GOLPH3L: variants seen among roughly 807,000 people sequenced by gnomAD.
GOLPH3L encodes golgi phosphoprotein 3 like.
GOLPH3L carries 22 observed loss-of-function variants against 30.3 expected under a neutral mutation model. The ratio of observed to expected loss-of-function variants is 0.73; its 90% confidence interval spans 0.52 to 1.04. The LOEUF (loss-of-function observed/expected upper bound fraction) is 1.04, where lower values mean the gene tolerates loss of function less well. GOLPH3L is among the 50% of genes least tolerant of loss of function. The pLI is 0.00. For synonymous variants in GOLPH3L, 120 were observed against 128.2 expected (o/e 0.94, Z 0.43); for missense variants, 303 against 345.8 (o/e 0.88, Z 0.98).
At chr1:150,678,462 T>C (rs1343889605) in intron 2 of GOLPH3L, among the ~76,000 whole-genome samples, 6 of 152,042 alleles carry the variant, frequency 3.9e-5, no homozygotes, top group African/African-American at 1.4e-4. Flanking sequence ...CATATTTTAT[T>C]ACCTTACTTC....
chr1:150,674,942 G>A (rs587735306), intron 2 of GOLPH3L, among the ~76,000 whole-genome samples: 3 of 152,132 alleles, frequency 2.0e-5, no homozygotes, highest in Non-Finnish European at 4.4e-5. Context: ...ACAGGCTAGA[G>A]TACAGTGGCA....
intron 4 of GOLPH3L, among the ~76,000 whole-genome samples, chr1:150,658,207 T>C (rs994838436): frequency 2.0e-5 from 3 of 152,302 alleles, no homozygotes; most frequent in African/African-American, 7.2e-5. Context: ...CAACACCCGT[T>C]GAACACAGCC....
chr1:150,654,785 C>T (rs1650205620), intron 4 of GOLPH3L, among the ~76,000 whole-genome samples: 1 of 152,188 alleles, frequency 6.6e-6, no homozygotes, highest in African/African-American at 2.4e-5. Context: ...TTATGCTGCA[C>T]AAAAGCTGTG....
At position 150,691,126 on chromosome 1, in the gene GOLPH3L, CCTA is replaced by C. The variant is rs200311333; in HGVS notation, c.183+3527_183+3529del. Reference sequence around the variant, plus strand: ...CTGGCTAACATGCTGAAAACCCTTCCCTACTAAGAATACAAAAATTAGCCAGGA... The same window carrying C: ...CTGGCTAACATGCTGAAAACCCTTCCCTAAGAATACAAAAATTAGCCAGGA... On this transcript the variant is annotated intron_variant, in intron 2 of 4. Transcript: ENST00000271732. Among the ~76,000 whole-genome samples, 1,216 of 151,246 alleles carry C rather than the reference CCTA, an allele frequency of 8.0e-3. 9 individuals are homozygous for C. The highest frequency in any genetic ancestry group is 0.011 in the Non-Finnish European group (732 of 67,878).
chr1:150,677,672 C>T (rs141478564), intron 2 of GOLPH3L, among the ~76,000 whole-genome samples: 1,763 of 150,930 alleles, frequency 0.012, 21 homozygotes, highest in Middle Eastern at 0.021. Flanking sequence ...CACTCTGTCA[C>T]CCACGCTGGA....
chr1:150,653,319 G>A (rs1237130914), intron 4 of GOLPH3L, among the ~76,000 whole-genome samples: 13 of 144,388 alleles, frequency 9.0e-5, no homozygotes, highest in African/African-American at 2.6e-4. Flanking sequence ...TTTTTGAGAC[G>A]GAGTCTCACA....
chr1:150,653,175 C>CAAAAAAAAAAAAAAAAAAAAAAAAAAAA (rs757485843), intron 4 of GOLPH3L, among the ~76,000 whole-genome samples: 1 of 76,268 alleles, frequency 1.3e-5, no homozygotes, highest in Non-Finnish European at 2.9e-5. Context: ...GCCAAAAAAA[C>CAAAAAAAAAAAAAAAAAAAAAAAAAAAA]AAAAAAAAAA....
In GOLPH3L at chr1:150,674,314, G is replaced by A. The variant is rs1230008377; in HGVS notation, c.184-10551C>T. Among the ~76,000 whole-genome samples, 12 of 150,980 alleles carry A rather than the reference G, an allele frequency of 7.9e-5. 1 individual carries two copies. In the East Asian group the frequency reaches 2.0e-3, roughly 25 times the overall value. On this transcript the variant is annotated intron_variant, in intron 2 of 4. Transcript: ENST00000271732. ...CTTTCTCTGTCACCCAGGCTGGAGT[G>A]CAGTGGCATGATCTTGGCTCATTGC...
At chr1:150,670,764 A>G (rs1277604391) in intron 2 of GOLPH3L, among the ~76,000 whole-genome samples, 1 of 152,172 alleles carries the variant, frequency 6.6e-6, no homozygotes, top group African/African-American at 2.4e-5. Flanking sequence ...TAGAAATGGC[A>G]TTACACTGAG....
intron 2 of GOLPH3L, among the ~76,000 whole-genome samples, chr1:150,693,845 A>ATCT (rs1156276816): frequency 1.5e-5 from 1 of 67,336 alleles, no homozygotes; most frequent in Non-Finnish European, 2.6e-5. Context: ...ATATATATAT[A>ATCT]TATTTTTTTT....
intron 2 of GOLPH3L, among the ~76,000 whole-genome samples, chr1:150,669,875 T>A (rs1650601864): frequency 6.6e-6 from 1 of 151,354 alleles, no homozygotes; most frequent in Non-Finnish European, 1.5e-5. Flanking sequence ...GGCAGGATAA[T>A]CACTTGAACC....
At chr1:150,661,719 C>T (rs1650370530) in intron 4 of GOLPH3L, 95 bp downstream of exon 4, 3 of 725,282 alleles carry the variant, frequency 4.1e-6, no homozygotes, top group South Asian at 1.5e-5. Flanking sequence ...CTATCTCATC[C>T]AGCACGATGA....
At chr1:150,691,883 T>C (rs1262754393) in intron 2 of GOLPH3L, among the ~76,000 whole-genome samples, 1 of 151,966 alleles carries the variant, frequency 6.6e-6, no homozygotes, top group Non-Finnish European at 1.5e-5. Flanking sequence ...ATATTTATAC[T>C]CATTTAAACA....
chr1:150,689,275 G>A (rs1651156491), intron 2 of GOLPH3L, among the ~76,000 whole-genome samples: 1 of 152,202 alleles, frequency 6.6e-6, no homozygotes, highest in Admixed American at 6.5e-5. Flanking sequence ...GATGAGAAAT[G>A]AAAAGACCAC....
Position 150,648,382 on chromosome 1 carries a change from C to T in GOLPH3L, c.797G>A (p.Gly266Glu), listed in dbSNP as rs1650029801. 6.2e-7 allele frequency: 1 copy of T among 1,613,800 alleles called. No homozygotes were observed. Among genetic ancestry groups the T allele is most frequent in the African/African-American group, 1.3e-5 (1 of 74,888 alleles). Residue 266 changes from glycine (G) to glutamate (E), a missense_variant, in exon 5 of 5, where the codon GGG (glycine) becomes GAG (glutamate). Gly to Glu is a moderately conservative substitution (Grantham distance 98). Coordinates refer to ENST00000271732, the MANE Select transcript of GOLPH3L (RefSeq NM_018178.6). ...DLVELDPEVE[G>E]TKPSATEMIW... ...CATTTCTGTGGCACTAGGCTTTGTC[C>T]CTTCCACTTCAGGGTCCAGTTCTAC... is the stretch of plus-strand genomic sequence containing the variant.
rs61817594 is a variant in GOLPH3L at position 150,673,338 on chromosome 1, C to G, written c.184-9575G>C. Among the ~76,000 whole-genome samples, 1,088 of 151,786 alleles carry G rather than the reference C, an allele frequency of 7.2e-3. 7 individuals are homozygous for G. The highest frequency in any genetic ancestry group is 0.014 in the Admixed American group (209 of 15,198). On this transcript the variant is annotated intron_variant, in intron 2 of 4. Coordinates refer to ENST00000271732, the MANE Select transcript of GOLPH3L (RefSeq NM_018178.6). ...CAGCACTTTGGGAAGCCGAGGCGGGCGGATCACAAGGTTAGGAGTTCGAGA... is the reference window on the plus strand; with the variant it reads ...CAGCACTTTGGGAAGCCGAGGCGGGGGGATCACAAGGTTAGGAGTTCGAGA...
chr1:150,684,533 T>G (rs1301839827), intron 2 of GOLPH3L, among the ~76,000 whole-genome samples: 1 of 152,086 alleles, frequency 6.6e-6, no homozygotes, highest in Non-Finnish European at 1.5e-5. Context: ...CTTACTCATA[T>G]TTATCTCTTT....
chr1:150,682,751 A>T (rs1219808251), intron 2 of GOLPH3L, among the ~76,000 whole-genome samples: 2 of 151,848 alleles, frequency 1.3e-5, no homozygotes, highest in African/African-American at 4.8e-5. Flanking sequence ...TCTTAGACAA[A>T]TTTTAAAAAC....
rs144150082 is a variant in GOLPH3L, at chr1:150,653,885, C to T, written c.431-5137G>A. On this transcript the variant is annotated intron_variant, in intron 4 of 4. Coordinates refer to ENST00000271732, the MANE Select transcript of GOLPH3L (RefSeq NM_018178.6). ...TCAGGTGATTCTCCTGCCTCAGCCT[C>T]CCAAGTAGCTGGGATTACAGGTGCC... 8.0e-3 allele frequency among the ~76,000 whole-genome samples: 1,223 copies of T among 152,104 alleles called. 9 individuals are homozygous for T. Among genetic ancestry groups the T allele is most frequent in the Non-Finnish European group, 0.011 (733 of 67,980 alleles).
Sources: allele counts gnomAD v4.1 joint callset (sites outside exome capture counted in the v4.1 genomes callset), GRCh38; gene constraint gnomAD v4.1.1; transcripts MANE v1.5; gene names NCBI Gene and HGNC (gene_info 2026-07-23, HGNC 2026-07-21).